NPTN: variants seen among roughly 807,000 people sequenced by gnomAD.
NPTN encodes the protein neuroplastin.
In NPTN, 5 loss-of-function variants were observed where a neutral mutation model predicts 42.7. That is an observed-to-expected ratio of 0.12 (90% confidence interval 0.06 to 0.25). NPTN has a LOEUF of 0.25. Among genes scored for constraint, NPTN ranks in the 10% least tolerant of loss-of-function variants. NPTN has a pLI of 1.00. For synonymous variants in NPTN, 180 were observed against 201.9 expected, an observed-to-expected ratio of 0.89 and a Z score of 0.92; for missense variants, 307 against 525.4, an observed-to-expected ratio of 0.58 and a Z score of 4.06.
At chr15:73,598,540 T>G (rs973332545) in intron 1 of NPTN, among the ~76,000 whole-genome samples, 1 of 151,154 alleles carries the variant, frequency 6.6e-6, no homozygotes, top group Non-Finnish European at 1.5e-5. Flanking sequence ...AAAATCAGAG[T>G]GCAAGCATAC....
At chr15:73,589,399 G>A (rs1039037497) in intron 3 of NPTN, among the ~76,000 whole-genome samples, 1 of 151,970 alleles carries the variant, frequency 6.6e-6, no homozygotes, top group African/African-American at 2.4e-5. Flanking sequence ...AATCACACAG[G>A]GTGATCCCAA....
chr15:73,567,874 C>T (rs531070008), intron 6 of NPTN: 7 of 985,408 alleles, frequency 7.1e-6, no homozygotes, highest in Middle Eastern at 5.2e-4. Flanking sequence ...GCAACAACAA[C>T]GAAGTAAACG....
In NPTN at chr15:73,572,931, C is replaced by G. The variant is rs1293970664; in HGVS notation, c.840+731G>C. Among the ~76,000 whole-genome samples the G allele has an allele frequency of 2.0e-5, 3 of 152,074 alleles. No individual in the cohort carries two copies. In the East Asian group the frequency reaches 5.8e-4, roughly 29 times the overall value. On this transcript the variant is annotated intron_variant, in intron 5 of 8. Transcript: ENST00000345330. Reference sequence around the variant, plus strand: ...GATATCCCCTTTGCTGTTCTCCTGACAGTGAATTCTCATGAGACCCGGTTG... The same window carrying G: ...GATATCCCCTTTGCTGTTCTCCTGAGAGTGAATTCTCATGAGACCCGGTTG...
At chr15:73,567,274 C>G (rs1895081854) in intron 6 of NPTN, 9 of 985,200 alleles carry the variant, frequency 9.1e-6, no homozygotes, top group Non-Finnish European at 1.1e-5. Flanking sequence ...ATGGGTGTAT[C>G]TTGATAATAA....
chr15:73,597,820 A>G lies in NPTN; in HGVS notation c.92-451T>C, dbSNP rs1274123770. On this transcript the variant is annotated intron_variant, in intron 1 of 8. Coordinates refer to ENST00000345330, the MANE Select transcript of NPTN (RefSeq NM_012428.4). This position sits in a 1 kb window ranked among gnomAD's most constrained non-coding sequence, Gnocchi z 6.3. ...TGCCAAATCAGGATCTCTCTTTTGG[A>G]TGGGCAAACGCTTTGTTAGAAATGC... is the stretch of plus-strand genomic sequence containing the variant. 6.6e-6 allele frequency among the ~76,000 whole-genome samples: 1 copy of G among 152,220 alleles called. No homozygotes were observed. Among genetic ancestry groups the G allele is most frequent in the African/African-American group, 2.4e-5 (1 of 41,456 alleles).
At chr15:73,563,938 A>G (rs1465902005) in intron 6 of NPTN, among the ~76,000 whole-genome samples, 3 of 152,232 alleles carry the variant, frequency 2.0e-5, no homozygotes, top group African/African-American at 7.2e-5. Context: ...CCTCTAGAAA[A>G]GACTTCAGAA....
At chr15:73,584,764 TAAA>T (rs55815192) in intron 4 of NPTN, among the ~76,000 whole-genome samples, 2 of 122,876 alleles carry the variant, frequency 1.6e-5, no homozygotes, top group African/African-American at 3.0e-5. Context: ...TTGTGTCCTT[TAAA>T]AAAAAAAAAA....
intron 4 of NPTN, among the ~76,000 whole-genome samples, chr15:73,575,754 ATG>A (rs1895660316): frequency 6.6e-6 from 1 of 152,194 alleles, no homozygotes; most frequent in Non-Finnish European, 1.5e-5. Flanking sequence ...TAGTCACAGA[ATG>A]TGCTTCCCAG....
At chr15:73,604,182 A>G (rs1297909853) in intron 1 of NPTN, among the ~76,000 whole-genome samples, 1 of 152,216 alleles carries the variant, frequency 6.6e-6, no homozygotes. Flanking sequence ...ATGATTTAAA[A>G]AAAAACATGG....
chr15:73,612,809 C>T (rs1329096210), intron 1 of NPTN, among the ~76,000 whole-genome samples: 2 of 152,062 alleles, frequency 1.3e-5, no homozygotes, highest in Non-Finnish European at 2.9e-5. Flanking sequence ...CAGACTTCAA[C>T]TAGGCTATCT....
Position 73,569,727 on chromosome 15 carries a change from G to A in NPTN, c.1114+423C>T. On this transcript the variant is annotated intron_variant, in intron 6 of 8. Coordinates refer to ENST00000345330, the MANE Select transcript of NPTN (RefSeq NM_012428.4). The surrounding 1 kb of genome is among the most constrained non-coding windows in gnomAD (Gnocchi z 4.1). ...CCAGTTAGATACCTTAAATCTGCCT[G>A]AAAGGCCAGGTGGCCTGCCATCTTG... The A allele has an allele frequency of 1.0e-6, 1 of 985,418 alleles. No individual in the cohort carries two copies. 61.0% of individuals were successfully genotyped at this position (985,418 alleles called of 1,614,324 possible).
At chr15:73,589,911 C>T (rs1566971567) in intron 3 of NPTN, among the ~76,000 whole-genome samples, 1 of 151,744 alleles carries the variant, frequency 6.6e-6, no homozygotes, top group Admixed American at 6.6e-5. Flanking sequence ...AACAAGTGTT[C>T]CAGAGTTTGA....
chr15:73,561,595 G>T (rs1894670266), intron 8 of NPTN, among the ~76,000 whole-genome samples: 1 of 152,058 alleles, frequency 6.6e-6, no homozygotes, highest in South Asian at 2.1e-4. Context: ...CAGGAGAATT[G>T]CTTGAACCCG....
Position 73,633,290 on chromosome 15 carries a change from A to G in NPTN, c.-75T>C, listed in dbSNP as rs1898870479. On this transcript the variant is annotated 5_prime_UTR_variant, in exon 1 of 9. Transcript: ENST00000345330. ...GCCGGGGAAGGGAGGGGAGGGAGGG[A>G]GGGGGCGGGCGAGTGCGCGAGGGAG... 21 of 338,874 alleles carry G rather than the reference A, an allele frequency of 6.2e-5. No individual in the cohort carries two copies. Among genetic ancestry groups the G allele is most frequent in the Admixed American group, 9.8e-5 (2 of 20,448 alleles). The allele number at this position is 338,874 out of a possible 1,614,324, so 21.0% of individuals were successfully genotyped here. A position where few individuals can be genotyped will look rare whatever the true frequency, so the allele number is the denominator to read the frequency against.
At chr15:73,585,940 T>C (rs1353880549) in intron 4 of NPTN, among the ~76,000 whole-genome samples, 4 of 152,204 alleles carry the variant, frequency 2.6e-5, no homozygotes, top group African/African-American at 7.2e-5. Context: ...GAAGAGACTA[T>C]GAAGAAAGAT....
At chr15:73,581,157 T>C (rs573619322) in intron 4 of NPTN, among the ~76,000 whole-genome samples, 1 of 152,370 alleles carries the variant, frequency 6.6e-6, no homozygotes, top group Admixed American at 6.5e-5. Context: ...CTTTTGTTTG[T>C]AGCTCTAAAA....
intron 1 of NPTN, among the ~76,000 whole-genome samples, chr15:73,621,324 C>A (rs1431099087): frequency 2.0e-5 from 3 of 152,106 alleles, no homozygotes; most frequent in Non-Finnish European, 4.4e-5. Context: ...TAATGATATG[C>A]TCATCATTTG....
At chr15:73,603,197 A>G (rs1023531238) in intron 1 of NPTN, among the ~76,000 whole-genome samples, 7 of 152,236 alleles carry the variant, frequency 4.6e-5, no homozygotes, top group African/African-American at 1.7e-4. Context: ...TGAGGATTAT[A>G]TGAGATAACA....
chr15:73,622,499 TAAA>T lies in NPTN; in HGVS notation c.91+10623_91+10625del, dbSNP rs751330130. On this transcript the variant is annotated intron_variant, in intron 1 of 8. Transcript: ENST00000345330. ...TAGGTAAGAAGAGGGAGAATTGTTT[TAAA>T]AAAAAAAAAAAAAAGCCTGACGCCC... 2.4e-5 allele frequency among the ~76,000 whole-genome samples: 3 copies of T among 123,672 alleles called. No individual in the cohort carries two copies. In the South Asian group the frequency reaches 7.7e-4, roughly 32 times the overall value. The allele number at this position is 123,672 out of a possible 152,430, so 81.1% of individuals were successfully genotyped here.
Sources: gnomAD v4.1 joint callset for allele counts (sites outside exome capture counted in the v4.1 genomes callset) on GRCh38, gnomAD v4.1.1 for gene constraint, Gnocchi (gnomAD v3.1) non-coding constraint, MANE v1.5 for transcripts, NCBI Gene and HGNC (gene_info 2026-07-23, HGNC 2026-07-21) for gene names.